MDH2: variants seen among roughly 807,000 people sequenced by gnomAD.
MDH2 encodes the protein malate dehydrogenase 2.
Under a neutral mutation model 33.6 loss-of-function variants are expected in MDH2, and 25 were observed. That is an observed-to-expected ratio of 0.74 (90% CI 0.54 to 1.04). MDH2 has a LOEUF of 1.04. MDH2 is among the 50% of genes least tolerant of loss of function. The pLI, the probability that MDH2 is intolerant of heterozygous loss-of-function variation, is 0.00. For missense variants in MDH2, 432 were observed against 445.0 expected, an observed-to-expected ratio of 0.97 and a Z score of 0.26; for synonymous variants, 193 against 188.7, an observed-to-expected ratio of 1.02 and a Z score of -0.19.
At chr7:76,064,990 T>C (rs782249983) in intron 8 of MDH2, 37 bp downstream of exon 8, 1 of 1,609,982 alleles carries the variant, frequency 6.2e-7, no homozygotes. Flanking sequence ...GACTGTGGAA[T>C]AAGGGGGCGT....
Position 76,066,509 on chromosome 7 carries a change from T to A in MDH2, c.*99T>A. 1 of 1,432,358 alleles carries A rather than the reference T, an allele frequency of 7.0e-7. No homozygotes were observed. Among genetic ancestry groups the A allele is most frequent in the Non-Finnish European group, 9.3e-7 (1 of 1,076,988 alleles). 88.7% of individuals were successfully genotyped at this position (1,432,358 alleles called of 1,614,324 possible). ...TTTGTATTTTAATTTGCTTTGGTGA[T>A]GATTACTGTATTGACATCATCATGC... On this transcript the variant is annotated 3_prime_UTR_variant, in exon 9 of 9. Coordinates refer to ENST00000315758, the MANE Select transcript of MDH2 (RefSeq NM_005918.4).
Position 76,066,521 on chromosome 7 carries a change from T to C in MDH2, c.*111T>C. The C allele has an allele frequency of 7.6e-7, 1 of 1,321,900 alleles. No homozygotes were observed. Among genetic ancestry groups the C allele is most frequent in the Non-Finnish European group, 1.0e-6 (1 of 1,000,814 alleles). The allele number at this position is 1,321,900 out of a possible 1,614,324, so 81.9% of individuals were successfully genotyped here. Reference sequence around the variant, plus strand: ...TTTGCTTTGGTGATGATTACTGTATTGACATCATCATGCCTTCCAAATTGT... The same window carrying C: ...TTTGCTTTGGTGATGATTACTGTATCGACATCATCATGCCTTCCAAATTGT... On this transcript the variant is annotated 3_prime_UTR_variant, in exon 9 of 9. Coordinates refer to ENST00000315758, the MANE Select transcript of MDH2 (RefSeq NM_005918.4).
intron 1 of MDH2, chr7:76,048,503 T>G: frequency 7.6e-7 from 1 of 1,319,336 alleles, no homozygotes; most frequent in South Asian, 2.0e-5. Flanking sequence ...GGACCTGCTC[T>G]TGGCTTGCAC....
At chr7:76,055,485 C>G (rs1797743800) in intron 2 of MDH2, among the ~76,000 whole-genome samples, 1 of 152,008 alleles carries the variant, frequency 6.6e-6, no homozygotes, top group South Asian at 2.1e-4. Context: ...CCTGTAATCC[C>G]AGCACTTTGG....
At position 76,063,566 on chromosome 7, in the gene MDH2, A is replaced by G. The variant is rs1798009954; in HGVS notation, c.607A>G (p.Lys203Glu). The G allele has an allele frequency of 6.2e-7, 1 of 1,614,234 alleles. No homozygotes were observed. The highest frequency in any genetic ancestry group is 8.5e-7 in the Non-Finnish European group (1 of 1,180,034). Reference protein sequence around the residue: ...NVPVIGGHAGKTIIPLISQCT... With the variant: ...NVPVIGGHAGETIIPLISQCT... ...CCCTGTCATTGGTGGCCATGCTGGG[A>G]AGACCATCATCCCCCTGATCTCTCA... Residue 203 changes from lysine to glutamate, a missense_variant, in exon 6 of 9, where the codon AAG (lysine) becomes GAG (glutamate). By Grantham distance (56) the Lys-to-Glu change is moderately conservative. Coordinates refer to ENST00000315758, the MANE Select transcript of MDH2 (RefSeq NM_005918.4).
chr7:76,048,147 C>T lies in MDH2; in HGVS notation c.-14C>T, dbSNP rs1797374646. On this transcript the variant is annotated 5_prime_UTR_variant, in exon 1 of 9. Transcript: ENST00000315758. ...CTCCTGTGCCTGCCAGTCGGTGCCC[C>T]TCCCGCTCCAGCCATGCTCTCCGCC... 1 of 1,536,710 alleles carries T rather than the reference C, an allele frequency of 6.5e-7. No individual in the cohort carries two copies. Among genetic ancestry groups the T allele is most frequent in the Non-Finnish European group, 8.7e-7 (1 of 1,146,522 alleles).
chr7:76,052,519 C>T (rs1421199093), intron 1 of MDH2, among the ~76,000 whole-genome samples: 1 of 150,666 alleles, frequency 6.6e-6, no homozygotes, highest in Non-Finnish European at 1.5e-5. Flanking sequence ...CCCTGTGGAA[C>T]CACTGCCCTG....
chr7:76,057,522 C>A, intron 3 of MDH2, 29 bp downstream of exon 3: 1 of 1,601,614 alleles, frequency 6.2e-7, no homozygotes, highest in Non-Finnish European at 8.6e-7. Context: ...TGTCTGGTAC[C>A]TCCCCACGTG....
intron 1 of MDH2, among the ~76,000 whole-genome samples, chr7:76,051,761 T>A (rs1554585473): frequency 6.6e-6 from 1 of 152,170 alleles, no homozygotes; most frequent in Non-Finnish European, 1.5e-5. Flanking sequence ...TTATAAAGTG[T>A]TAAAACTTAT....
At chr7:76,051,355 C>T (rs1797621791) in intron 1 of MDH2, among the ~76,000 whole-genome samples, 1 of 137,744 alleles carries the variant, frequency 7.3e-6, no homozygotes, top group Non-Finnish European at 1.5e-5. Flanking sequence ...GAGTTCCGCT[C>T]TTGTTGCCCA....
At chr7:76,055,754 AT>A (rs1397170992) in intron 2 of MDH2, among the ~76,000 whole-genome samples, 3 of 151,134 alleles carry the variant, frequency 2.0e-5, no homozygotes, top group African/African-American at 4.9e-5. Flanking sequence ...AAAAAAAAAA[AT>A]TTCATAAATA....
In MDH2 at chr7:76,048,151, C is replaced by T. The variant is rs1797374770; in HGVS notation, c.-10C>T. 1.3e-6 allele frequency: 2 copies of T among 1,537,042 alleles called. No individual in the cohort carries two copies. Among genetic ancestry groups the T allele is most frequent in the Non-Finnish European group, 8.7e-7 (1 of 1,146,806 alleles). ...TGTGCCTGCCAGTCGGTGCCCCTCC[C>T]GCTCCAGCCATGCTCTCCGCCCTCG... is the stretch of plus-strand genomic sequence containing the variant. On this transcript the variant is annotated 5_prime_UTR_variant, in exon 1 of 9. Coordinates refer to ENST00000315758, the MANE Select transcript of MDH2 (RefSeq NM_005918.4).
intron 4 of MDH2, among the ~76,000 whole-genome samples, chr7:76,059,030 G>A (rs572310203): frequency 6.6e-6 from 1 of 152,206 alleles, no homozygotes. Flanking sequence ...TGCAGCCTCT[G>A]CCTCCCAGGT....
intron 8 of MDH2, 36 bp from the exon 9 acceptor site, chr7:76,066,243 G>A: frequency 6.3e-7 from 1 of 1,595,848 alleles, no homozygotes; most frequent in Non-Finnish European, 8.6e-7. Context: ...GCACTTTCCT[G>A]GAAACTTCAT....
At chr7:76,048,981 CGGGGGGGG>C (rs71521108) in intron 1 of MDH2, 28,340 of 488,190 alleles carry the variant, frequency 0.058, 427 homozygotes, top group African/African-American at 0.075. Flanking sequence ...CTTAAGACTG[CGGGGGGGG>C]GGGGGGGGGT....
chr7:76,066,336 A>G lies in MDH2; in HGVS notation c.943A>G (p.Met315Val), dbSNP rs987964214. Residue 315 changes from methionine (M) to valine (V), a missense_variant, in exon 9 of 9, where the codon ATG (methionine) becomes GTG (valine). Met to Val is a conservative substitution (Grantham distance 21, BLOSUM62 1). Transcript: ENST00000315758. ...IGKVSSFEEKMISDAIPELKA... is the reference protein window; with the variant it reads ...IGKVSSFEEKVISDAIPELKA... ...CAAAGTCTCCTCTTTTGAGGAGAAGATGATCTCGGATGCCATCCCCGAGCT... is the reference window on the plus strand; with the variant it reads ...CAAAGTCTCCTCTTTTGAGGAGAAGGTGATCTCGGATGCCATCCCCGAGCT... 1 of 1,611,226 alleles carries G rather than the reference A, an allele frequency of 6.2e-7. No homozygotes were observed. Among genetic ancestry groups the G allele is most frequent in the Non-Finnish European group, 8.5e-7 (1 of 1,179,216 alleles).
chr7:76,065,107 A>G (rs938738036), intron 8 of MDH2, 154 bp downstream of exon 8: 36 of 841,982 alleles, frequency 4.3e-5, no homozygotes, highest in Non-Finnish European at 6.2e-5. Context: ...CACCCGAGAA[A>G]AAAGAGCTGG....
intron 2 of MDH2, 67 bp from the exon 3 acceptor site, chr7:76,057,343 G>T (rs1563548228): frequency 6.3e-7 from 1 of 1,581,078 alleles, no homozygotes; most frequent in South Asian, 1.1e-5. Flanking sequence ...TTAAGGCCAG[G>T]GCTGAACTTT....
rs1191592175 is a variant in MDH2 at position 76,060,353 on chromosome 7, C to T, written c.430-20C>T. 7 of 1,613,156 alleles carry T rather than the reference C, an allele frequency of 4.3e-6. No individual in the cohort carries two copies. The highest frequency in any genetic ancestry group is 5.9e-6 in the Non-Finnish European group (7 of 1,179,574). The stretch of plus-strand genomic sequence containing the variant: ...TCTCGGAACCCAGGGCAAGCCATGC[C>T]TGTCTGTTGGATGTCCTAGGTTAAT... On this transcript the variant is annotated intron_variant, in intron 4 of 8. Coordinates refer to ENST00000315758, the MANE Select transcript of MDH2 (RefSeq NM_005918.4).
Sources: allele counts gnomAD v4.1 joint callset (sites outside exome capture counted in the v4.1 genomes callset), GRCh38; gene constraint gnomAD v4.1.1; transcripts MANE v1.5; gene names NCBI Gene and HGNC (gene_info 2026-07-23, HGNC 2026-07-21).